Variants in CDH10 observed in about 807,000 individuals in gnomAD.
The protein encoded by CDH10 is cadherin-10.
Under a neutral mutation model 73.1 loss-of-function variants are expected in CDH10, and 30 were observed. The ratio of observed to expected loss-of-function variants is 0.41; its 90% CI spans 0.31 to 0.56. The LOEUF (loss-of-function observed/expected upper bound fraction) is 0.56, where lower values mean the gene tolerates loss of function less well. Ranked by LOEUF, CDH10 falls within the 20% of genes least tolerant of loss-of-function variation. The probability of loss-of-function intolerance (pLI) is 0.27; values close to 1 mark genes in which losing one functional copy is unlikely to be tolerated. For synonymous variants in CDH10, 345 were observed against 348.2 expected (o/e 0.99, Z 0.10); for missense variants, 815 against 973.7 (o/e 0.84, Z 2.17).
At chr5:24,554,117 G>GAGAGAGAGAGCGAGAGAGAGAGAGAGA (rs1377523348) in intron 2 of CDH10, 1 of 41,840 alleles carries the variant, frequency 2.4e-5, no homozygotes. Context: ...TGGGCGGGGG[G>GAGAGAGAGAGCGAGAGAGAGAGAGAGA]GGGAGAGAGA....
intron 1 of CDH10, among the ~76,000 whole-genome samples, chr5:24,627,703 A>G (rs559331358): frequency 6.6e-6 from 1 of 152,222 alleles, no homozygotes; most frequent in East Asian, 1.9e-4. Context: ...CACTCTGTAC[A>G]TTGTCTAGTA....
chr5:24,557,913 C>CAATTACTTCAATTGTAATG (rs1744821598), intron 2 of CDH10, among the ~76,000 whole-genome samples: 2 of 151,606 alleles, frequency 1.3e-5, no homozygotes, highest in Admixed American at 1.3e-4. Flanking sequence ...GTTTTTAATC[C>CAATTACTTCAATTGTAATG]CTTTGAGAAA....
intron 2 of CDH10, among the ~76,000 whole-genome samples, chr5:24,591,497 A>G (rs1746199017): frequency 3.9e-5 from 6 of 151,980 alleles, no homozygotes; most frequent in Admixed American, 3.9e-4. Context: ...GTTTTCATAA[A>G]GCAGAGTATG....
intron 1 of CDH10, among the ~76,000 whole-genome samples, chr5:24,602,935 G>A (rs890656344): frequency 1.3e-5 from 2 of 152,002 alleles, no homozygotes; most frequent in South Asian, 2.1e-4. Context: ...GAATACATTC[G>A]CTATCCTGAT....
At chr5:24,588,404 T>G (rs1460165814) in intron 2 of CDH10, among the ~76,000 whole-genome samples, 1 of 152,206 alleles carries the variant, frequency 6.6e-6, no homozygotes, top group Admixed American at 6.5e-5. Flanking sequence ...CTTTTGGTCA[T>G]GTTTGGATAA....
At chr5:24,510,738 C>CT (rs1258757937) in intron 6 of CDH10, among the ~76,000 whole-genome samples, 1 of 152,122 alleles carries the variant, frequency 6.6e-6, no homozygotes, top group Admixed American at 6.6e-5. Context: ...TCATTAGGAC[C>CT]TAAAGTTTAA....
At chr5:24,545,401 T>C (rs1347234992) in intron 2 of CDH10, among the ~76,000 whole-genome samples, 1 of 152,214 alleles carries the variant, frequency 6.6e-6, no homozygotes, top group South Asian at 2.1e-4. Flanking sequence ...TAGGGAAATA[T>C]AACTTCTTTG....
At chr5:24,570,328 T>C (rs925782616) in intron 2 of CDH10, among the ~76,000 whole-genome samples, 4 of 152,126 alleles carry the variant, frequency 2.6e-5, no homozygotes, top group Admixed American at 2.0e-4. Flanking sequence ...CCTTCAAGGA[T>C]AGAGCGTTAC....
At chr5:24,583,780 G>A (rs1745882805) in intron 2 of CDH10, among the ~76,000 whole-genome samples, 1 of 152,154 alleles carries the variant, frequency 6.6e-6, no homozygotes, top group Admixed American at 6.5e-5. Flanking sequence ...GAATAGCTGG[G>A]ATTACAGGCA....
intron 9 of CDH10, among the ~76,000 whole-genome samples, chr5:24,494,716 CATT>C (rs1742202599): frequency 6.6e-6 from 1 of 151,732 alleles, no homozygotes; most frequent in African/African-American, 2.4e-5. Context: ...TAAAAATTAA[CATT>C]AAAATCTTTA....
chr5:24,612,292 A>C (rs1746976317), intron 1 of CDH10: 1 of 152,194 alleles, frequency 6.6e-6, no homozygotes, highest in Non-Finnish European at 1.5e-5. Flanking sequence ...GCCCACTGGA[A>C]GTAAGAATAG....
chr5:24,615,195 C>T (rs952697800), intron 1 of CDH10, among the ~76,000 whole-genome samples: 1 of 152,208 alleles, frequency 6.6e-6, no homozygotes, highest in Non-Finnish European at 1.5e-5. Context: ...TACCAAAACA[C>T]CAAGCTCATT....
intron 2 of CDH10, among the ~76,000 whole-genome samples, chr5:24,560,508 A>C (rs1002562596): frequency 2.6e-5 from 4 of 152,108 alleles, no homozygotes; most frequent in Non-Finnish European, 4.4e-5. Context: ...GTGTGCCCTA[A>C]GTTTGAATAA....
At position 24,535,299 on chromosome 5, in the gene CDH10, A is replaced by C. The variant is rs748897101; in HGVS notation, c.647-20T>G. 1 of 1,591,398 alleles carries C rather than the reference A, an allele frequency of 6.3e-7. No homozygotes were observed. The highest frequency in any genetic ancestry group is 1.2e-5 in the South Asian group (1 of 86,624). On this transcript the variant is annotated intron_variant, in intron 4 of 11. Transcript: ENST00000264463. ...TGATACCTTGAGAAAATATAAAAAA[A>C]CTTCCATTATCTTCACTGAAATCTC... is the stretch of plus-strand genomic sequence containing the variant.
At chr5:24,622,827 AT>A in intron 1 of CDH10, among the ~76,000 whole-genome samples, 1 of 152,298 alleles carries the variant, frequency 6.6e-6, no homozygotes, top group East Asian at 1.9e-4. Context: ...TTTTACTCTC[AT>A]ATTTTTAAAA....
chr5:24,617,815 G>A (rs990220181), intron 1 of CDH10, among the ~76,000 whole-genome samples: 4 of 152,036 alleles, frequency 2.6e-5, no homozygotes, highest in Admixed American at 2.0e-4. Flanking sequence ...CCACCTCCCC[G>A]CCTGATGCAC....
intron 1 of CDH10, chr5:24,611,936 A>C (rs1746963835): frequency 6.6e-6 from 1 of 152,238 alleles, no homozygotes; most frequent in African/African-American, 2.4e-5. Context: ...AACGACCCAT[A>C]GAAACAGGAA....
intron 7 of CDH10, among the ~76,000 whole-genome samples, chr5:24,507,158 TCC>T (rs1742726526): frequency 1.3e-5 from 2 of 152,058 alleles, no homozygotes; most frequent in Non-Finnish European, 2.9e-5. Context: ...GTATGATCCT[TCC>T]CATAACAACA....
intron 5 of CDH10, among the ~76,000 whole-genome samples, chr5:24,527,616 T>C (rs1408398260): frequency 2.0e-5 from 3 of 151,902 alleles, no homozygotes; most frequent in Admixed American, 1.3e-4. Flanking sequence ...AGCATGTTGC[T>C]GTATTGAATA....
Sources: allele counts gnomAD v4.1 joint callset (sites outside exome capture counted in the v4.1 genomes callset), GRCh38; gene constraint gnomAD v4.1.1; transcripts MANE v1.5; gene names NCBI Gene and HGNC (gene_info 2026-07-23, HGNC 2026-07-21).